Variants in FMNL2 observed in about 807,000 individuals in gnomAD.
The protein encoded by FMNL2 is formin like 2, also known as formin-like protein 2.
A neutral mutation model predicts 130.2 loss-of-function variants in FMNL2; 51 were observed. The ratio of observed to expected loss-of-function variants is 0.39; its 90% CI spans 0.31 to 0.49. The LOEUF (loss-of-function observed/expected upper bound fraction) is 0.49. Among genes scored for constraint, FMNL2 ranks in the 20% least tolerant of loss-of-function variants. FMNL2 has a pLI of 0.85. For synonymous variants in FMNL2, 465 were observed against 467.1 expected, an observed-to-expected ratio of 1.00 and a Z score of 0.06; for missense variants, 977 against 1,316.2, an observed-to-expected ratio of 0.74 and a Z score of 3.99.
At chr2:152,448,532 A>C (rs575264943) in intron 1 of FMNL2, among the ~76,000 whole-genome samples, 1 of 152,196 alleles carries the variant, frequency 6.6e-6, no homozygotes, top group Non-Finnish European at 1.5e-5. Flanking sequence ...CTCTTCTTTG[A>C]CTTGGAAAGA....
intron 1 of FMNL2, among the ~76,000 whole-genome samples, chr2:152,399,158 C>T (rs1002004540): frequency 1.3e-5 from 2 of 152,168 alleles, no homozygotes; most frequent in Admixed American, 1.3e-4. Context: ...GACCTGAGGT[C>T]GGGTTTGAGA....
chr2:152,626,445 C>A, intron 16 of FMNL2, 80 bp from the exon 17 acceptor site: 2 of 1,229,524 alleles, frequency 1.6e-6, no homozygotes, highest in South Asian at 1.5e-5. Flanking sequence ...GACGTTTTTG[C>A]TTAAGAAACT....
intron 9 of FMNL2, among the ~76,000 whole-genome samples, chr2:152,589,266 A>G (rs966719228): frequency 6.6e-5 from 10 of 152,158 alleles, no homozygotes; most frequent in African/African-American, 2.4e-4. Flanking sequence ...ATTTTATGCA[A>G]TAGGGAACCT....
At chr2:152,522,130 G>T in intron 2 of FMNL2, 104 bp downstream of exon 2, 1 of 943,302 alleles carries the variant, frequency 1.1e-6, no homozygotes, top group South Asian at 1.6e-5. Flanking sequence ...CAAGATATTT[G>T]CTTCTGCGAC....
intron 2 of FMNL2, among the ~76,000 whole-genome samples, chr2:152,541,599 A>G (rs1694313992): frequency 6.6e-6 from 1 of 152,180 alleles, no homozygotes; most frequent in Admixed American, 6.5e-5. Context: ...TCCCCACTTC[A>G]GTCCTCCAAC....
At chr2:152,353,851 T>C (rs560197344) in intron 1 of FMNL2, among the ~76,000 whole-genome samples, 1 of 152,290 alleles carries the variant, frequency 6.6e-6, no homozygotes, top group South Asian at 2.1e-4. Context: ...ATTTTACAGG[T>C]AACTTTAGTT....
chr2:152,458,474 C>T (rs1046449418), intron 1 of FMNL2, among the ~76,000 whole-genome samples: 3 of 152,144 alleles, frequency 2.0e-5, no homozygotes, highest in African/African-American at 7.2e-5. Context: ...CAGAATGTGC[C>T]CTTCCCTTAT....
At chr2:152,607,954 C>G (rs1698465697) in intron 10 of FMNL2, among the ~76,000 whole-genome samples, 1 of 151,914 alleles carries the variant, frequency 6.6e-6, no homozygotes, top group Non-Finnish European at 1.5e-5. Flanking sequence ...TGGGGCTGTC[C>G]TTGGCAGGTT....
chr2:152,471,625 T>C (rs1439092107), intron 1 of FMNL2, among the ~76,000 whole-genome samples: 1 of 152,158 alleles, frequency 6.6e-6, no homozygotes, highest in Non-Finnish European at 1.5e-5. Flanking sequence ...TCCTTGTGGT[T>C]ACATTTAGAA....
chr2:152,602,720 G>A (rs1698143962), intron 9 of FMNL2, among the ~76,000 whole-genome samples: 1 of 152,186 alleles, frequency 6.6e-6, no homozygotes, highest in Non-Finnish European at 1.5e-5. Context: ...CATCAATATA[G>A]AATGTGTAAT....
At chr2:152,372,235 A>G (rs751419413) in intron 1 of FMNL2, among the ~76,000 whole-genome samples, 2 of 152,208 alleles carry the variant, frequency 1.3e-5, no homozygotes, top group Non-Finnish European at 2.9e-5. Context: ...TTTGTTGAGC[A>G]CTAAGAGTAC....
chr2:152,449,712 C>CT (rs1227455947), intron 1 of FMNL2, among the ~76,000 whole-genome samples: 1 of 152,120 alleles, frequency 6.6e-6, no homozygotes, highest in Non-Finnish European at 1.5e-5. Context: ...AGAGTTACGG[C>CT]TTTTTAGAAT....
At chr2:152,374,112 T>A (rs6750956) in intron 1 of FMNL2, among the ~76,000 whole-genome samples, 73,370 of 151,928 alleles carry the variant, frequency 0.48, 18,987 homozygotes, top group Non-Finnish European at 0.59. Context: ...GTAGGAAACA[T>A]CTCAGTTATG....
At chr2:152,607,621 G>T in intron 10 of FMNL2, 1 of 448,524 alleles carries the variant, frequency 2.2e-6, no homozygotes, top group Non-Finnish European at 4.0e-6. Flanking sequence ...TACATACACG[G>T]TATAGTAAAG....
At chr2:152,512,184 T>G (rs1235500274) in intron 1 of FMNL2, among the ~76,000 whole-genome samples, 1 of 152,212 alleles carries the variant, frequency 6.6e-6, no homozygotes, top group Non-Finnish European at 1.5e-5. Context: ...GGCACAGCAG[T>G]TAGCAGACAG....
intron 1 of FMNL2, among the ~76,000 whole-genome samples, chr2:152,382,255 C>T (rs1209277172): frequency 3.3e-5 from 5 of 152,148 alleles, no homozygotes; most frequent in East Asian, 3.8e-4. Context: ...CATTTTTGTG[C>T]GGAAGTTTTT....
intron 15 of FMNL2, among the ~76,000 whole-genome samples, chr2:152,622,382 C>G (rs1405169249): frequency 3.9e-5 from 6 of 152,124 alleles, no homozygotes; most frequent in African/African-American, 1.4e-4. Flanking sequence ...GGAGGCAGGC[C>G]TGAATGGAAA....
intron 2 of FMNL2, among the ~76,000 whole-genome samples, chr2:152,528,529 C>T (rs548005889): frequency 6.6e-5 from 10 of 152,296 alleles, no homozygotes; most frequent in Admixed American, 3.9e-4. Context: ...GCCTTCTCCT[C>T]GTCTCTGTGT....
At chr2:152,470,391 A>G (rs1055531153) in intron 1 of FMNL2, among the ~76,000 whole-genome samples, 8 of 152,184 alleles carry the variant, frequency 5.3e-5, no homozygotes, top group African/African-American at 1.4e-4. Flanking sequence ...TGAGAATATC[A>G]CTTGAAGATT....
Sources: allele counts gnomAD v4.1 joint callset (sites outside exome capture counted in the v4.1 genomes callset), GRCh38; gene constraint gnomAD v4.1.1; transcripts MANE v1.5; gene names NCBI Gene and HGNC (gene_info 2026-07-23, HGNC 2026-07-21).